Variants in CILP observed in about 807,000 individuals in gnomAD.
CILP encodes the protein cartilage intermediate layer protein, also known as cartilage intermediate layer protein 1.
CILP carries 75 observed loss-of-function variants against 82.5 expected under a neutral mutation model. The observed-to-expected ratio is 0.91, with a 90% confidence interval of 0.75 to 1.10. The LOEUF is 1.10. Among genes scored for constraint, CILP ranks in the 50% least tolerant of loss-of-function variants. The pLI is 0.00. For missense variants in CILP, 1,479 were observed against 1,530.8 expected, an observed-to-expected ratio of 0.97 and a Z score of 0.56; for synonymous variants, 530 against 580.3, an observed-to-expected ratio of 0.91 and a Z score of 1.25.
rs145108765 is a variant in CILP, at chr15:65,207,549, C to T, written c.154+123G>A. 5.0e-4 allele frequency: 387 copies of T among 774,294 alleles called. 2 individuals carry two copies. The African/African-American group carries it at 5.4e-3, about 11-fold the overall frequency. The allele number at this position is 774,294 out of a possible 1,614,324, so 48.0% of individuals were successfully genotyped here. On this transcript the variant is annotated intron_variant, in intron 3 of 8. Coordinates refer to ENST00000261883, the MANE Select transcript of CILP (RefSeq NM_003613.4). ...TTCCTTGGCTGGACAGAGATGGAGGCCAAATGCTTGTAAAAGTGGGTTTCC... is the reference window on the plus strand; with the variant it reads ...TTCCTTGGCTGGACAGAGATGGAGGTCAAATGCTTGTAAAAGTGGGTTTCC...
chr15:65,201,817 T>G, intron 8 of CILP, 55 bp downstream of exon 8: 1 of 1,312,428 alleles, frequency 7.6e-7, no homozygotes, highest in Non-Finnish European at 1.0e-6. Context: ...CCCACCTGGG[T>G]GCTCAGCCAA....
Position 65,196,774 on chromosome 15 carries a change from G to C in CILP, c.3512C>G (p.Ser1171Cys). ...TTGAGCAACTCTAGGAAATCTCAGA[G>C]AGGCCACCACTCCACCCTGGCGCTG... ...GGQRQGGVVA[S>C]LRFPRVAQQP... Residue 1171 changes from serine (S) to cysteine (C), a missense_variant, in exon 9 of 9, where the codon TCT (serine) becomes TGT (cysteine). Coordinates refer to ENST00000261883, the MANE Select transcript of CILP (RefSeq NM_003613.4). 2 of 1,573,570 alleles carry C rather than the reference G, an allele frequency of 1.3e-6. No homozygotes were observed. Among genetic ancestry groups the C allele is most frequent in the Non-Finnish European group, 1.7e-6 (2 of 1,158,466 alleles).
rs756391101 is a variant in CILP, at chr15:65,197,943, C to T, written c.2343G>A (p.Glu781=). The change falls in exon 9 of 9, where the codon GAG becomes GAA. Residue 781 remains glutamate (E), a synonymous_variant. Transcript: ENST00000261883. ...GGTTGGACAAGAAGCCAGTTCTAGGCTCCAGGTTAATCACGGAGATCACAA... is the reference window on the plus strand; with the variant it reads ...GGTTGGACAAGAAGCCAGTTCTAGGTTCCAGGTTAATCACGGAGATCACAA... ...QGVVISVINL[E]PRTGFLSNPR... 1 of 1,614,152 alleles carries T rather than the reference C, an allele frequency of 6.2e-7. No homozygotes were observed. The highest frequency in any genetic ancestry group is 2.2e-5 in the East Asian group (1 of 44,864).
intron 8 of CILP, 136 bp from the exon 9 acceptor site, chr15:65,199,235 C>T (rs746432302): frequency 6.2e-6 from 4 of 649,148 alleles, no homozygotes; most frequent in Non-Finnish European, 1.0e-5. Flanking sequence ...TCACAGAACT[C>T]TCTGAGAGGA....
rs762567718 is a variant in CILP at position 65,197,283 on chromosome 15, G to T, written c.3003C>A (p.Val1001=). Residue 1001 remains valine, a synonymous_variant, in exon 9 of 9, where the codon GTC becomes GTA. Coordinates refer to ENST00000261883, the MANE Select transcript of CILP (RefSeq NM_003613.4). ...ACTTGAACTCCAGACAGGCAGCTGA[G>T]ACATTGGGCTGGTCCCTGTCCCGAG... ...RSTRDRDQPN[V]SAACLEFKCS... is the part of the protein sequence containing the mutation. The T allele has an allele frequency of 6.2e-7, 1 of 1,614,088 alleles. No homozygotes were observed. The highest frequency in any genetic ancestry group is 2.2e-5 in the East Asian group (1 of 44,882).
Position 65,197,490 on chromosome 15 carries a change from A to G in CILP, c.2796T>C (p.Asp932=). 1 of 1,614,214 alleles carries G rather than the reference A, an allele frequency of 6.2e-7. No homozygotes were observed. The highest frequency in any genetic ancestry group is 8.5e-7 in the Non-Finnish European group (1 of 1,180,040). ...YDYNTVPFNE[D]DPMSWTEDYL... is the part of the protein sequence containing the mutation. Reference sequence around the variant, plus strand: ...AGTCTTCAGTCCAGCTCATAGGGTCATCTTCGTTGAAGGGGACTGTGTTGT... The same window carrying G: ...AGTCTTCAGTCCAGCTCATAGGGTCGTCTTCGTTGAAGGGGACTGTGTTGT... Residue 932 remains aspartate (D), a synonymous_variant, in exon 9 of 9, where the codon GAT becomes GAC. Transcript: ENST00000261883.
chr15:65,206,528 A>G (rs573498321), intron 4 of CILP, among the ~76,000 whole-genome samples: 67 of 152,298 alleles, frequency 4.4e-4, no homozygotes, highest in Non-Finnish European at 6.9e-4. Flanking sequence ...ACTCAAACAT[A>G]ATAAAATAGG....
chr15:65,203,492 A>T (rs1566995618), intron 6 of CILP, 22 bp from the exon 7 acceptor site: 1 of 1,585,860 alleles, frequency 6.3e-7, no homozygotes, highest in Non-Finnish European at 8.6e-7. Flanking sequence ...AATGAGAAAT[A>T]GCATTTTGGG....
In CILP at chr15:65,204,360, T is replaced by C; in HGVS notation, c.827A>G (p.Lys276Arg). The C allele has an allele frequency of 1.2e-6, 2 of 1,614,232 alleles. No homozygotes were observed. The highest frequency in any genetic ancestry group is 1.7e-6 in the Non-Finnish European group (2 of 1,180,044). ...GLCPDGKSIL[K>R]ITKVKFAPIV... ...GGGGGCAAACTTGACCTTTGTGATC[T>C]TCAGGATGCTTTTGCCATCAGGGCA... Residue 276 changes from lysine (K) to arginine (R), a missense_variant, in exon 6 of 9, where the codon AAG (lysine) becomes AGG (arginine). Transcript: ENST00000261883.
chr15:65,205,513 CTCTGTCAGGAAA>C, intron 4 of CILP, 47 bp from the exon 5 acceptor site: 1 of 1,515,620 alleles, frequency 6.6e-7, no homozygotes, highest in Non-Finnish European at 8.9e-7. Context: ...CTTGAGGGAA[CTCTGTCAGGAAA>C]TCTGACCCTG....
chr15:65,207,134 G>C (rs1253980906), intron 3 of CILP, 83 bp from the exon 4 acceptor site: 2 of 1,474,282 alleles, frequency 1.4e-6, no homozygotes, highest in Non-Finnish European at 1.8e-6. Flanking sequence ...CCCCCAGCTG[G>C]CCTCAGGCCC....
chr15:65,205,421 G>T lies in CILP; in HGVS notation c.470C>A (p.Pro157His). 1 of 1,613,940 alleles carries T rather than the reference G, an allele frequency of 6.2e-7. No individual in the cohort carries two copies. Among genetic ancestry groups the T allele is most frequent in the Non-Finnish European group, 8.5e-7 (1 of 1,179,924 alleles). The change falls in exon 5 of 9, where the codon CCC becomes CAC. Residue 157 changes from proline to histidine, a missense_variant. Pro to His is a moderately conservative substitution (Grantham distance 77, BLOSUM62 -2). Coordinates refer to ENST00000261883, the MANE Select transcript of CILP (RefSeq NM_003613.4). ...ACAGGCAGCTGAGCACTTGCTCCAG[G>T]GAGACCATGGGCTCCAGATGCGCTC... Reference protein sequence around the residue: ...DTERIWSPWSPWSKCSAACGQ... With the variant: ...DTERIWSPWSHWSKCSAACGQ...
chr15:65,204,812 A>G (rs1419213891), intron 5 of CILP, among the ~76,000 whole-genome samples: 1 of 152,156 alleles, frequency 6.6e-6, no homozygotes, highest in East Asian at 1.9e-4. Context: ...TGAGGTCAGG[A>G]GTTTGAGACC....
chr15:65,210,311 G>T (rs1352503344), intron 1 of CILP, among the ~76,000 whole-genome samples: 1 of 152,212 alleles, frequency 6.6e-6, no homozygotes, highest in South Asian at 2.1e-4. Context: ...CTCTCATAAG[G>T]CAGGCTGGCT....
Position 65,207,062 on chromosome 15 carries a change from T to C in CILP, c.155-11A>G, listed in dbSNP as rs2088526206. ...TCCACTCACCAGGGCCTGAGAGACA[T>C]AGCCAAATTGCGGAGGAGCCGTGAT... is the stretch of plus-strand genomic sequence containing the variant. On this transcript the variant is annotated splice_polypyrimidine_tract_variant and intron_variant, in intron 3 of 8. Coordinates refer to ENST00000261883, the MANE Select transcript of CILP (RefSeq NM_003613.4). The C allele has an allele frequency of 6.2e-7, 1 of 1,605,240 alleles. No individual in the cohort carries two copies. The highest frequency in any genetic ancestry group is 1.3e-5 in the African/African-American group (1 of 74,928).
At position 65,202,033 on chromosome 15, in the gene CILP, C is replaced by T; in HGVS notation, c.1029-4G>A. 6.4e-7 allele frequency: 1 copy of T among 1,570,196 alleles called. No individual in the cohort carries two copies. Reference sequence around the variant, plus strand: ...CAGCAATGTGTCATTATGATACCTGCAAGGGATGGAGAGGTAGAACCTGAA... The same window carrying T: ...CAGCAATGTGTCATTATGATACCTGTAAGGGATGGAGAGGTAGAACCTGAA... On this transcript the variant is annotated splice_polypyrimidine_tract_variant and splice_region_variant and intron_variant, in intron 7 of 8. Transcript: ENST00000261883.
In CILP at chr15:65,195,568, A is replaced by G. The variant is rs530574850; in HGVS notation, c.*1163T>C. The stretch of plus-strand genomic sequence containing the variant: ...CACAACAGAGATCTGGTGTCTGGAA[A>G]AGTTGAACATCTTTAGAAGAGCATA... On this transcript the variant is annotated 3_prime_UTR_variant, in exon 9 of 9. Transcript: ENST00000261883. 7 of 152,228 alleles carry G rather than the reference A, an allele frequency of 4.6e-5. No individual in the cohort carries two copies. The highest frequency in any genetic ancestry group is 7.2e-5 in the African/African-American group (3 of 41,452). 9.4% of individuals were successfully genotyped at this position (152,228 alleles called of 1,614,324 possible). A position where few individuals can be genotyped will look rare whatever the true frequency, so the allele number is the denominator to read the frequency against.
Position 65,199,022 on chromosome 15 carries a change from T to C in CILP, c.1264A>G (p.Thr422Ala), listed in dbSNP as rs1164580203. 5 of 1,607,718 alleles carry C rather than the reference T, an allele frequency of 3.1e-6. No homozygotes were observed. Among genetic ancestry groups the C allele is most frequent in the Middle Eastern group, 1.6e-4 (1 of 6,062 alleles). ...RLPHDCFQNATNSFYYDVGRC... is the reference protein window; with the variant it reads ...RLPHDCFQNAANSFYYDVGRC... Reference sequence around the variant, plus strand: ...CCCACGTCATAGTAGAAGGAGTTGGTGGCATTCTGAAAGCAATCATGGGGC... The same window carrying C: ...CCCACGTCATAGTAGAAGGAGTTGGCGGCATTCTGAAAGCAATCATGGGGC... The change falls in exon 9 of 9, where the codon ACC becomes GCC. Residue 422 changes from threonine to alanine, a missense_variant. Transcript: ENST00000261883.
Position 65,205,555 on chromosome 15 carries a change from A to G in CILP, c.425-89T>C, listed in dbSNP as rs2088510448. ...ACCCTGAGGCTGTTTCTTCTCTGGT[A>G]AAGACAAGGTTTCCATTTATGTCGT... is the stretch of plus-strand genomic sequence containing the variant. On this transcript the variant is annotated intron_variant, in intron 4 of 8. Coordinates refer to ENST00000261883, the MANE Select transcript of CILP (RefSeq NM_003613.4). The G allele has an allele frequency of 4.0e-6, 5 of 1,265,674 alleles. No individual in the cohort carries two copies. In the South Asian group the frequency reaches 7.5e-5, roughly 19 times the overall value. The allele number at this position is 1,265,674 out of a possible 1,614,324, so 78.4% of individuals were successfully genotyped here.
Sources: allele counts gnomAD v4.1 joint callset (sites outside exome capture counted in the v4.1 genomes callset), GRCh38; gene constraint gnomAD v4.1.1; transcripts MANE v1.5; gene names NCBI Gene and HGNC (gene_info 2026-07-23, HGNC 2026-07-21).